Variants in SEMA3A observed in about 807,000 individuals in gnomAD.
SEMA3A encodes semaphorin 3A.
A neutral mutation model predicts 97.9 loss-of-function variants in SEMA3A; 29 were observed. The ratio of observed to expected loss-of-function variants is 0.30; its 90% confidence interval spans 0.22 to 0.40. The LOEUF is 0.40. SEMA3A is among the 10% of genes least tolerant of loss of function. SEMA3A has a pLI of 1.00. For missense variants in SEMA3A, 763 were observed against 951.3 expected (o/e 0.80, Z 2.60); for synonymous variants, 321 against 323.7 (o/e 0.99, Z 0.09).
At chr7:84,183,498 C>T (rs1298965493) in intron 1 of SEMA3A, among the ~76,000 whole-genome samples, 1 of 151,132 alleles carries the variant, frequency 6.6e-6, no homozygotes, top group East Asian at 1.9e-4. Context: ...AAAATACTTT[C>T]TGACACCTGT....
At chr7:84,316,974 AT>A (rs369572030) in intron 2 of SEMA3A, among the ~76,000 whole-genome samples, 5,577 of 149,758 alleles carry the variant, frequency 0.037, 149 homozygotes, top group Non-Finnish European at 0.057. Flanking sequence ...CAGCAAAAAC[AT>A]TTTTTTTTTC....
At chr7:84,461,748 A>C (rs2116389044) in intron 1 of SEMA3A, among the ~76,000 whole-genome samples, 1 of 152,324 alleles carries the variant, frequency 6.6e-6, no homozygotes, top group Non-Finnish European at 1.5e-5. Flanking sequence ...TGATTCATAC[A>C]GAAAAGAAAA....
At chr7:84,296,062 T>C (rs935167917) in intron 3 of SEMA3A, among the ~76,000 whole-genome samples, 1 of 152,126 alleles carries the variant, frequency 6.6e-6, no homozygotes, top group East Asian at 1.9e-4. Flanking sequence ...CTACAAGAGA[T>C]AAAACAGTAC....
chr7:84,315,925 A>G (rs909008433), intron 2 of SEMA3A, among the ~76,000 whole-genome samples: 1 of 151,500 alleles, frequency 6.6e-6, no homozygotes, highest in African/African-American at 2.4e-5. Context: ...TACTTTTTGT[A>G]TTACTAATAT....
At chr7:84,034,753 C>T (rs1791880137) in intron 6 of SEMA3A, among the ~76,000 whole-genome samples, 1 of 151,228 alleles carries the variant, frequency 6.6e-6, no homozygotes, top group South Asian at 2.1e-4. Context: ...TTGTTCAGTG[C>T]AGGCAGTCCA....
chr7:84,028,067 G>A (rs1053632142), intron 6 of SEMA3A, among the ~76,000 whole-genome samples: 1 of 152,170 alleles, frequency 6.6e-6, no homozygotes, highest in Non-Finnish European at 1.5e-5. Flanking sequence ...GATGTCCGAA[G>A]CTACTTTGTC....
intron 3 of SEMA3A, among the ~76,000 whole-genome samples, chr7:84,223,590 GT>G (rs1163688232): frequency 1.3e-5 from 2 of 151,778 alleles, no homozygotes; most frequent in African/African-American, 4.8e-5. Flanking sequence ...TCAATATACA[GT>G]GTGTTTCTGT....
At position 84,060,276 on chromosome 7, in the gene SEMA3A, G is replaced by C. The variant is rs550005703; in HGVS notation, c.547+189C>G. Among the ~76,000 whole-genome samples the C allele has an allele frequency of 9.2e-5, 14 of 152,262 alleles. No individual in the cohort carries two copies. The South Asian group carries it at 2.7e-3, about 29-fold the overall frequency. ...ATTTCCATTAAAAAGAATCAGACTA[G>C]TTGGTGCAATAAGCAAAATAGCATT... is the stretch of plus-strand genomic sequence containing the variant. On this transcript the variant is annotated intron_variant, in intron 5 of 16. Transcript: ENST00000265362.
chr7:83,984,868 G>A (rs929102371), intron 13 of SEMA3A, among the ~76,000 whole-genome samples: 1 of 151,254 alleles, frequency 6.6e-6, no homozygotes, highest in African/African-American at 2.4e-5. Context: ...TCATTTTTTT[G>A]CTTTCATTTG....
Position 83,977,120 on chromosome 7 carries a change from A to T in SEMA3A, c.1717+12T>A. The T allele has an allele frequency of 6.6e-7, 1 of 1,519,248 alleles. No individual in the cohort carries two copies. The allele number at this position is 1,519,248 out of a possible 1,614,324, so 94.1% of individuals were successfully genotyped here. Reference sequence around the variant, plus strand: ...GGTCTTAGCAGGTTGAAAGATGAAAAATGTGACTTACCATGGTGTAAGTCT... The same window carrying T: ...GGTCTTAGCAGGTTGAAAGATGAAATATGTGACTTACCATGGTGTAAGTCT... On this transcript the variant is annotated intron_variant, in intron 15 of 16. Coordinates refer to ENST00000265362, the MANE Select transcript of SEMA3A (RefSeq NM_006080.3).
chr7:84,145,753 C>A (rs1796446503), intron 1 of SEMA3A, among the ~76,000 whole-genome samples: 1 of 152,078 alleles, frequency 6.6e-6, no homozygotes, highest in South Asian at 2.1e-4. Flanking sequence ...GTAACTTGTT[C>A]TTTATATTTA....
intron 3 of SEMA3A, among the ~76,000 whole-genome samples, chr7:84,302,002 A>T (rs1457818765): frequency 6.6e-6 from 1 of 152,144 alleles, no homozygotes; most frequent in East Asian, 1.9e-4. Context: ...GCAATTCACA[A>T]AGGACAAAAG....
chr7:84,487,621 A>G (rs1562963147), intron 1 of SEMA3A, among the ~76,000 whole-genome samples: 1 of 152,170 alleles, frequency 6.6e-6, no homozygotes, highest in Non-Finnish European at 1.5e-5. Flanking sequence ...ATTTATGAGG[A>G]TAAGATTAAC....
chr7:84,063,307 C>T (rs1307829722), intron 4 of SEMA3A, among the ~76,000 whole-genome samples: 1 of 149,828 alleles, frequency 6.7e-6, no homozygotes, highest in Non-Finnish European at 1.5e-5. Context: ...GATAAAACCA[C>T]AAAGATGGGG....
intron 1 of SEMA3A, among the ~76,000 whole-genome samples, chr7:84,142,105 T>C (rs531422114): frequency 6.6e-6 from 1 of 152,320 alleles, no homozygotes; most frequent in African/African-American, 2.4e-5. Flanking sequence ...GTTATATGAA[T>C]TTATTTTTCA....
At chr7:84,195,980 A>G (rs772867681), upstream of SEMA3A, among the ~76,000 whole-genome samples, 19 of 152,054 alleles carry the variant, frequency 1.2e-4, no homozygotes, top group Non-Finnish European at 2.2e-4. Flanking sequence ...TGGCCTCTCA[A>G]TTTTCTCTCT....
rs569110053 is a variant in SEMA3A, at chr7:84,357,641, G to A, written c.-169+14183C>T. On this transcript the variant is annotated intron_variant, in intron 2 of 3. Transcript: ENST00000424555. ...AGCAGCATGATTTATAATCCTTTGG[G>A]TATATACCCAGTAATGGGATGGCTG... Among the ~76,000 whole-genome samples, 6 of 152,106 alleles carry A rather than the reference G, an allele frequency of 3.9e-5. No homozygotes were observed. In the South Asian group the frequency reaches 8.3e-4, roughly 21 times the overall value.
At chr7:84,424,304 T>C (rs1268736894) in intron 1 of SEMA3A, among the ~76,000 whole-genome samples, 2 of 144,258 alleles carry the variant, frequency 1.4e-5, no homozygotes, top group Non-Finnish European at 3.0e-5. Context: ...GTATAATATA[T>C]TGATATAAAT....
At chr7:84,130,901 T>C (rs1001239687) in intron 2 of SEMA3A, among the ~76,000 whole-genome samples, 4 of 152,146 alleles carry the variant, frequency 2.6e-5, no homozygotes, top group East Asian at 1.9e-4. Flanking sequence ...TATAAAAATA[T>C]ATATACTTAA....
Sources: allele counts gnomAD v4.1 joint callset (sites outside exome capture counted in the v4.1 genomes callset), GRCh38; gene constraint gnomAD v4.1.1; transcripts MANE v1.5; gene names NCBI Gene and HGNC (gene_info 2026-07-23, HGNC 2026-07-21).